BMP4: variants seen among roughly 807,000 people sequenced by gnomAD.
BMP4 encodes the protein bone morphogenetic protein 4.
Under a neutral mutation model 29.6 loss-of-function variants are expected in BMP4, and 3 were observed. The observed-to-expected ratio is 0.10, with a 90% CI of 0.05 to 0.26. The LOEUF (loss-of-function observed/expected upper bound fraction) is 0.26. Among genes scored for constraint, BMP4 ranks in the 10% least tolerant of loss-of-function variants. The probability of loss-of-function intolerance (pLI) is 1.00; values close to 1 mark genes in which losing one functional copy is unlikely to be tolerated. For synonymous variants in BMP4, 197 were observed against 213.2 expected (o/e 0.92, Z 0.66); for missense variants, 455 against 550.2 (o/e 0.83, Z 1.73).
upstream of BMP4, chr14:53,956,889 T>G: frequency 5.5e-6 from 2 of 365,828 alleles, no homozygotes; most frequent in Non-Finnish European, 9.7e-6. Context: ...CGGCGGCCCC[T>G]CCCTCCTTCC....
chr14:53,955,284 G>A lies in BMP4; in HGVS notation c.-133+1266C>T, dbSNP rs908649288. On this transcript the variant is annotated intron_variant, in intron 1 of 3. Coordinates refer to ENST00000245451, the MANE Select transcript of BMP4 (RefSeq NM_001202.6). The surrounding 1 kb of genome is among the most constrained non-coding windows in gnomAD (Gnocchi z 4.0). ...GGGACAGTAGAAGGGGCGGGCGCCC[G>A]GGTTCCCCGGAAAACCCTCGGCCCC... is the stretch of plus-strand genomic sequence containing the variant. Among the ~76,000 whole-genome samples the A allele has an allele frequency of 7.4e-6, 1 of 134,612 alleles. No individual in the cohort carries two copies. The highest frequency in any genetic ancestry group is 3.0e-5 in the African/African-American group (1 of 33,066). 88.3% of individuals were successfully genotyped at this position (134,612 alleles called of 152,430 possible).
rs1895370747 is a variant in BMP4 at position 53,950,906 on chromosome 14, G to A, written c.371-18C>T. 6.3e-7 allele frequency: 1 copy of A among 1,599,902 alleles called. No homozygotes were observed. The highest frequency in any genetic ancestry group is 8.5e-7 in the Non-Finnish European group (1 of 1,179,960). ...CAGATGTTCTAGGCACAGTTAGGAA[G>A]GAAGGGGAAAAGAAAAAGCATATGA... On this transcript the variant is annotated intron_variant, in intron 3 of 3. Transcript: ENST00000245451. This position sits in a 1 kb window ranked among gnomAD's most constrained non-coding sequence, Gnocchi z 5.4.
In BMP4 at chr14:53,955,681, C is replaced by G. The variant is rs2738265; in HGVS notation, c.-133+869G>C. 0.58 allele frequency: 87,653 copies of G among 151,970 alleles called. 25,358 individuals carry two copies. The highest frequency in any genetic ancestry group is 0.69 in the Middle Eastern group (203 of 294). The allele number at this position is 151,970 out of a possible 1,614,324, so 9.4% of individuals were successfully genotyped here. The stretch of plus-strand genomic sequence containing the variant: ...ATCCTCCAAAGCAGTGCTTGGAGGC[C>G]TCTAAGGCCCCCGGACCAACTCCCG... On this transcript the variant is annotated intron_variant, in intron 1 of 3. Transcript: ENST00000245451. This position sits in a 1 kb window ranked among gnomAD's most constrained non-coding sequence, Gnocchi z 4.0.
rs763439953 is a variant in BMP4 at position 53,952,052 on chromosome 14, G to A, written c.171C>T (p.Phe57=). 1.2e-6 allele frequency: 2 copies of A among 1,614,050 alleles called. No homozygotes were observed. The highest frequency in any genetic ancestry group is 2.7e-5 in the African/African-American group (2 of 74,946). The change falls in exon 3 of 4, where the codon TTC becomes TTT. Residue 57 remains phenylalanine, a synonymous_variant. Coordinates refer to ENST00000245451, the MANE Select transcript of BMP4 (RefSeq NM_001202.6). The stretch of plus-strand genomic sequence containing the variant: ...CAAACATCTGCAGAAGTGTCGCCTC[G>A]AAGTCCCGCAGGAGCTCATGGCTCT... The part of the protein sequence containing the change: ...SGQSHELLRD[F]EATLLQMFGL...
At position 53,950,916 on chromosome 14, in the gene BMP4, A is replaced by G; in HGVS notation, c.371-28T>C. The G allele has an allele frequency of 6.3e-7, 1 of 1,599,124 alleles. No homozygotes were observed. Among genetic ancestry groups the G allele is most frequent in the South Asian group, 1.1e-5 (1 of 91,028 alleles). ...AGGCACAGTTAGGAAGGAAGGGGAA[A>G]AGAAAAAGCATATGAACTTTTTTCA... On this transcript the variant is annotated intron_variant, in intron 3 of 3. Transcript: ENST00000245451. This position sits in a 1 kb window ranked among gnomAD's most constrained non-coding sequence, Gnocchi z 5.4.
Position 53,956,680 on chromosome 14 carries a change from G to C in BMP4, c.-263C>G, listed in dbSNP as rs901243029. 12 of 399,006 alleles carry C rather than the reference G, an allele frequency of 3.0e-5. No individual in the cohort carries two copies. Among genetic ancestry groups the C allele is most frequent in the Non-Finnish European group, 4.4e-5 (10 of 226,188 alleles). The allele number at this position is 399,006 out of a possible 1,614,324, so 24.7% of individuals were successfully genotyped here. On this transcript the variant is annotated 5_prime_UTR_variant, in exon 1 of 4. Transcript: ENST00000245451. The stretch of plus-strand genomic sequence containing the variant: ...AGATAGCTTGGACGGGAATCCCATC[G>C]GGGAGACAAGCTAGATACTCAGCCG...
rs1377578490 is a variant in BMP4 at position 53,953,531 on chromosome 14, C to T, written c.-132-131G>A. On this transcript the variant is annotated intron_variant, in intron 1 of 3. Transcript: ENST00000245451. ...GGCGAAAGGGCTTGCGCGCCCTCCC[C>T]TCCTCCACAGCCCCCCGCCCCTCGC... 2.0e-5 allele frequency: 8 copies of T among 390,342 alleles called. No homozygotes were observed. The East Asian group carries it at 2.2e-4, about 11-fold the overall frequency. The allele number at this position is 390,342 out of a possible 1,614,324, so 24.2% of individuals were successfully genotyped here.
In BMP4 at chr14:53,950,523, T is replaced by A; in HGVS notation, c.736A>T (p.Thr246Ser). 1.9e-6 allele frequency: 3 copies of A among 1,614,178 alleles called. No homozygotes were observed. The highest frequency in any genetic ancestry group is 1.7e-6 in the Non-Finnish European group (2 of 1,180,032). ...IEVTHLHQTR[T>S]HQGQHVRISR... The stretch of plus-strand genomic sequence containing the variant: ...ATCCTGACATGCTGGCCCTGGTGGG[T>A]CCGAGTCTGATGGAGGTGAGTCACC... Residue 246 changes from threonine to serine, a missense_variant, in exon 4 of 4, where the codon ACC becomes TCC. By Grantham distance (58) the Thr-to-Ser change is moderately conservative (BLOSUM62 1). Coordinates refer to ENST00000245451, the MANE Select transcript of BMP4 (RefSeq NM_001202.6). This position sits in a 1 kb window ranked among gnomAD's most constrained non-coding sequence, Gnocchi z 5.4.
intron 3 of BMP4, 93 bp downstream of exon 3, chr14:53,951,760 A>G (rs990041818): frequency 3.9e-6 from 6 of 1,528,112 alleles, no homozygotes; most frequent in Non-Finnish European, 5.3e-6. Flanking sequence ...TGGGGCTTTG[A>G]TGTAACCCGA....
Position 53,949,883 on chromosome 14 carries a change from C to CATTTTTTTTTTTTTTTTTTTT in BMP4, c.*148_*149insAAAAAAAAAAAAAAAAAAAAT. The CATTTTTTTTTTTTTTTTTTTT allele has an allele frequency of 6.2e-6, 4 of 643,742 alleles. 1 individual carries two copies. The highest frequency in any genetic ancestry group is 7.1e-6 in the Non-Finnish European group (3 of 423,472). The allele number at this position is 643,742 out of a possible 1,614,324, so 39.9% of individuals were successfully genotyped here. ...AAGGTGAATGTTTAGGGATTTTTTCCTTTTTTTTTTTTTTTTTTAAATAAA... is the reference window on the plus strand; with the variant it reads ...AAGGTGAATGTTTAGGGATTTTTTCCATTTTTTTTTTTTTTTTTTTTTTTTTTTTTTTTTTTTTTAAATAAA... On this transcript the variant is annotated 3_prime_UTR_variant, in exon 4 of 4. Transcript: ENST00000245451.
intron 2 of BMP4, 38 bp downstream of exon 2, chr14:53,953,238 G>C (rs1190658680): frequency 5.1e-6 from 2 of 396,030 alleles, no homozygotes; most frequent in East Asian, 7.2e-5. Context: ...AGGGCAGAGT[G>C]AATTCCGGGG....
In BMP4 at chr14:53,950,934, T is replaced by A. The variant is rs746069830; in HGVS notation, c.371-46A>T. The A allele has an allele frequency of 6.3e-7, 1 of 1,597,616 alleles. No individual in the cohort carries two copies. ...AGGGGAAAAGAAAAAGCATATGAAC[T>A]TTTTTCAAAGATGGAAGAGTCAAGA... On this transcript the variant is annotated intron_variant, in intron 3 of 3. Coordinates refer to ENST00000245451, the MANE Select transcript of BMP4 (RefSeq NM_001202.6). The surrounding 1 kb of genome is among the most constrained non-coding windows in gnomAD (Gnocchi z 5.4).
intron 2 of BMP4, among the ~76,000 whole-genome samples, chr14:53,952,705 A>G (rs1340500910): frequency 6.6e-6 from 1 of 152,086 alleles, no homozygotes; most frequent in Non-Finnish European, 1.5e-5. Flanking sequence ...GTTGGTTCAG[A>G]GCCAGAGGGA....
rs898386951 is a variant in BMP4 at position 53,955,153 on chromosome 14, G to GT, written c.-133+1396dup. On this transcript the variant is annotated intron_variant, in intron 1 of 3. Transcript: ENST00000245451. The surrounding 1 kb of genome is among the most constrained non-coding windows in gnomAD (Gnocchi z 4.0). ...GCGAAAGGGTTGGGAAGAGCAAAGG[G>GT]TTTTTTTGTTTTGTTTTGAGACGCA... Among the ~76,000 whole-genome samples the GT allele has an allele frequency of 6.6e-6, 1 of 152,162 alleles. No individual in the cohort carries two copies. The highest frequency in any genetic ancestry group is 1.5e-5 in the Non-Finnish European group (1 of 68,028).
In BMP4 at chr14:53,950,287, G is replaced by A; in HGVS notation, c.972C>T (p.Asp324=). The part of the protein sequence containing the change: ...YVDFSDVGWN[D]WIVAPPGYQA... ...GGTAGCCTGGTGGGGCCACAATCCA[G>A]TCATTCCAGCCCACATCGCTGAAGT... Residue 324 remains aspartate, a synonymous_variant, in exon 4 of 4, where the codon GAC becomes GAT. Coordinates refer to ENST00000245451, the MANE Select transcript of BMP4 (RefSeq NM_001202.6). This position sits in a 1 kb window ranked among gnomAD's most constrained non-coding sequence, Gnocchi z 5.4. The A allele has an allele frequency of 3.1e-6, 5 of 1,614,226 alleles. No individual in the cohort carries two copies. The highest frequency in any genetic ancestry group is 4.2e-6 in the Non-Finnish European group (5 of 1,180,042).
Position 53,950,778 on chromosome 14 carries a change from A to G in BMP4, c.481T>C (p.Phe161Leu), listed in dbSNP as rs749431429. 1.2e-6 allele frequency: 2 copies of G among 1,613,762 alleles called. No homozygotes were observed. Among genetic ancestry groups the G allele is most frequent in the Admixed American group, 3.3e-5 (2 of 60,026 alleles). ...EVISSAELRL[F>L]REQVDQGPDW... is the part of the protein sequence containing the mutation. Reference sequence around the variant, plus strand: ...GGGCCCTGGTCCACCTGCTCCCGGAAGAGCCGAAGCTCTGCAGAGGAGATC... The same window carrying G: ...GGGCCCTGGTCCACCTGCTCCCGGAGGAGCCGAAGCTCTGCAGAGGAGATC... Residue 161 changes from phenylalanine to leucine, a missense_variant, in exon 4 of 4, where the codon TTC (phenylalanine) becomes CTC (leucine). Physicochemically the swap from Phe to Leu is conservative, Grantham distance 22. Around this residue, in one of 4 missense-constraint regions of BMP4, gnomAD observed 249 missense variants for 284.6 expected, o/e 0.87. Transcript: ENST00000245451. The surrounding 1 kb of genome is among the most constrained non-coding windows in gnomAD (Gnocchi z 5.4).
Position 53,949,905 on chromosome 14 carries a change from T to G in BMP4, c.*127A>C. ...TTCCTTTTTTTTTTTTTTTTTTAAA[T>G]AAAAGTCCAGCTATAAGGAAGCAGT... On this transcript the variant is annotated 3_prime_UTR_variant, in exon 4 of 4. Coordinates refer to ENST00000245451, the MANE Select transcript of BMP4 (RefSeq NM_001202.6). The G allele has an allele frequency of 1.3e-6, 1 of 776,822 alleles. No individual in the cohort carries two copies. The highest frequency in any genetic ancestry group is 1.8e-6 in the Non-Finnish European group (1 of 540,838). The allele number at this position is 776,822 out of a possible 1,614,324, so 48.1% of individuals were successfully genotyped here.
intron 3 of BMP4, 31 bp downstream of exon 3, chr14:53,951,822 T>C (rs1280134182): frequency 1.9e-6 from 3 of 1,596,904 alleles, no homozygotes; most frequent in Non-Finnish European, 2.5e-6. Context: ...CCACCAGCCC[T>C]CCCCCACGCA....
At position 53,950,489 on chromosome 14, in the gene BMP4, G is replaced by C. The variant is rs889958974; in HGVS notation, c.770C>G (p.Ser257Trp). 1.9e-6 allele frequency: 3 copies of C among 1,614,130 alleles called. No individual in the cohort carries two copies. The highest frequency in any genetic ancestry group is 2.5e-6 in the Non-Finnish European group (3 of 1,180,046). ...HQGQHVRISR[S>W]LPQGSGNWAQ... The stretch of plus-strand genomic sequence containing the variant: ...CCAATTCCCACTCCCTTGAGGTAAC[G>C]ATCGGCTAATCCTGACATGCTGGCC... The change falls in exon 4 of 4, where the codon TCG (serine) becomes TGG (tryptophan). Residue 257 changes from serine (S) to tryptophan (W), a missense_variant. Physicochemically the swap from Ser to Trp is radical, Grantham distance 177. Around this residue, in one of 4 missense-constraint regions of BMP4, gnomAD observed 154 missense variants for 156.8 expected, o/e 0.98. Coordinates refer to ENST00000245451, the MANE Select transcript of BMP4 (RefSeq NM_001202.6). This position sits in a 1 kb window ranked among gnomAD's most constrained non-coding sequence, Gnocchi z 5.4.
Sources: allele counts gnomAD v4.1 joint callset (sites outside exome capture counted in the v4.1 genomes callset), GRCh38; gene constraint gnomAD v4.1.1; regional missense constraint gnomAD v4.1.1; non-coding constraint Gnocchi (gnomAD v3.1); transcripts MANE v1.5; gene names NCBI Gene and HGNC (gene_info 2026-07-23, HGNC 2026-07-21).